Variants in ZNF430 observed in about 807,000 individuals in gnomAD.
The protein encoded by ZNF430 is zinc finger protein 430.
ZNF430 carries 35 observed loss-of-function variants against 56.7 expected under a neutral mutation model. The ratio of observed to expected loss-of-function variants is 0.62; its 90% confidence interval spans 0.47 to 0.82. The LOEUF is 0.82. ZNF430 is among the 40% of genes least tolerant of loss of function. ZNF430 has a pLI of 0.00. For missense variants in ZNF430, 574 were observed against 661.0 expected, an observed-to-expected ratio of 0.87 and a Z score of 1.44; for synonymous variants, 212 against 224.3, an observed-to-expected ratio of 0.94 and a Z score of 0.49.
In ZNF430 at chr19:21,057,899, C is replaced by T. The variant is rs770818535; in HGVS notation, c.1591C>T (p.His531Tyr). ...TAGCCAGTCTTCAACTCTTACTAAA[C>T]ATAAGGTAATTCATACTGGAGAGAA... is the stretch of plus-strand genomic sequence containing the variant. ...AFSQSSTLTK[H>Y]KVIHTGEKPY... Residue 531 changes from histidine to tyrosine, a missense_variant, in exon 5 of 5, where the codon CAT (histidine) becomes TAT (tyrosine). This residue lies in a region of ZNF430 where 213 missense variants were observed against 221.0 expected (regional missense o/e 0.96). Coordinates refer to ENST00000261560, the MANE Select transcript of ZNF430 (RefSeq NM_025189.4). The T allele has an allele frequency of 8.1e-6, 13 of 1,613,916 alleles. No individual in the cohort carries two copies. Among genetic ancestry groups the T allele is most frequent in the Non-Finnish European group, 1.1e-5 (13 of 1,179,948 alleles).
At chr19:21,026,827 C>CTTTTCTTTTTTT in intron 2 of ZNF430, among the ~76,000 whole-genome samples, 1 of 68,718 alleles carries the variant, frequency 1.5e-5, no homozygotes, top group Non-Finnish European at 2.5e-5. Context: ...CTTTTCTTTT[C>CTTTTCTTTTTTT]TTTTTTTTTT....
intron 4 of ZNF430, among the ~76,000 whole-genome samples, chr19:21,056,109 C>A (rs1483839978): frequency 2.6e-5 from 4 of 152,188 alleles, no homozygotes; most frequent in Non-Finnish European, 4.4e-5. Context: ...GCACTTCACA[C>A]ACTTAACTTA....
chr19:21,029,868 G>T (rs765220704), intron 2 of ZNF430, among the ~76,000 whole-genome samples: 24 of 152,236 alleles, frequency 1.6e-4, no homozygotes, highest in Non-Finnish European at 3.2e-4. Flanking sequence ...AGGAGGCTGG[G>T]GCAGGAGAAT....
rs533879341 is a variant in ZNF430, at chr19:21,031,174, G to A, written c.97-2282G>A. ...GCCAGGATTACAAGTGTGAGCCACCGCGCCCGGCCTCTGCCCAGTCTTCTA... is the reference window on the plus strand; with the variant it reads ...GCCAGGATTACAAGTGTGAGCCACCACGCCCGGCCTCTGCCCAGTCTTCTA... On this transcript the variant is annotated intron_variant, in intron 2 of 4. Coordinates refer to ENST00000261560, the MANE Select transcript of ZNF430 (RefSeq NM_025189.4). Among the ~76,000 whole-genome samples the A allele has an allele frequency of 1.2e-3, 183 of 152,224 alleles. 5 individuals are homozygous for A. Among genetic ancestry groups the A allele is most frequent in the Admixed American group, 2.0e-3 (30 of 15,264 alleles).
chr19:21,056,362 G>T (rs113826896), intron 4 of ZNF430, among the ~76,000 whole-genome samples: 7,428 of 152,018 alleles, frequency 0.049, 620 homozygotes, highest in African/African-American at 0.17. Flanking sequence ...GGTGGTGCGT[G>T]CCTGTAATCC....
chr19:21,047,893 A>G (rs1215331525), intron 4 of ZNF430, among the ~76,000 whole-genome samples: 1 of 152,210 alleles, frequency 6.6e-6, no homozygotes, highest in East Asian at 1.9e-4. Context: ...ACTGAGGGAA[A>G]TTCCATACAT....
rs139372164 is a variant in ZNF430, at chr19:21,031,381, A to G, written c.97-2075A>G. 6.9e-3 allele frequency among the ~76,000 whole-genome samples: 1,056 copies of G among 152,240 alleles called. 13 individuals are homozygous for G. The highest frequency in any genetic ancestry group is 0.023 in the African/African-American group (964 of 41,544). On this transcript the variant is annotated intron_variant, in intron 2 of 4. Coordinates refer to ENST00000261560, the MANE Select transcript of ZNF430 (RefSeq NM_025189.4). ...GAGAGCTAAGTGCCACCTTTGCACT[A>G]AAGGGTGGTCTCAGGGCCCGTTCTG...
chr19:21,020,744 C>T lies in ZNF430; in HGVS notation c.-57C>T, dbSNP rs1356182356. 3 of 1,610,212 alleles carry T rather than the reference C, an allele frequency of 1.9e-6. No individual in the cohort carries two copies. The highest frequency in any genetic ancestry group is 2.5e-6 in the Non-Finnish European group (3 of 1,177,124). On this transcript the variant is annotated 5_prime_UTR_variant, in exon 1 of 5. Transcript: ENST00000261560. Reference sequence around the variant, plus strand: ...AGGTCCAGGCTCTGTGGCCCTGTGACCCGCAGGTATTGGGAGATCTACAGC... The same window carrying T: ...AGGTCCAGGCTCTGTGGCCCTGTGATCCGCAGGTATTGGGAGATCTACAGC...
chr19:21,050,972 G>A (rs1316117023), intron 4 of ZNF430, among the ~76,000 whole-genome samples: 1 of 152,090 alleles, frequency 6.6e-6, no homozygotes, highest in Non-Finnish European at 1.5e-5. Context: ...AGGTTGCAGT[G>A]AGCTGAGATC....
chr19:21,059,137 A>C lies in ZNF430; in HGVS notation c.*1116A>C, dbSNP rs988492892. 2.6e-5 allele frequency: 4 copies of C among 152,232 alleles called. No individual in the cohort carries two copies. Among genetic ancestry groups the C allele is most frequent in the African/African-American group, 9.6e-5 (4 of 41,460 alleles). 9.4% of individuals were successfully genotyped at this position (152,232 alleles called of 1,614,324 possible). ...TTTTGCAGATGCAGTAAAAATGAAA[A>C]TATTTAATCCAAAATTAAGTCTATG... On this transcript the variant is annotated 3_prime_UTR_variant, in exon 5 of 5. Coordinates refer to ENST00000261560, the MANE Select transcript of ZNF430 (RefSeq NM_025189.4).
intron 2 of ZNF430, among the ~76,000 whole-genome samples, chr19:21,024,296 A>G (rs1311872304): frequency 6.6e-6 from 1 of 152,210 alleles, no homozygotes; most frequent in Non-Finnish European, 1.5e-5. Context: ...GGTCTTACTG[A>G]TGATAAAGTT....
At chr19:21,044,787 AT>A (rs1174159803) in intron 4 of ZNF430, among the ~76,000 whole-genome samples, 2 of 151,860 alleles carry the variant, frequency 1.3e-5, no homozygotes, top group Non-Finnish European at 1.5e-5. Flanking sequence ...CAGGATTCAA[AT>A]TTTTCCTGGT....
rs1967941354 is a variant in ZNF430 at position 21,033,599 on chromosome 19, T to C, written c.223+17T>C. 2 of 1,597,978 alleles carry C rather than the reference T, an allele frequency of 1.3e-6. No homozygotes were observed. Among genetic ancestry groups the C allele is most frequent in the African/African-American group, 2.7e-5 (2 of 74,132 alleles). On this transcript the variant is annotated intron_variant, in intron 3 of 4. Coordinates refer to ENST00000261560, the MANE Select transcript of ZNF430 (RefSeq NM_025189.4). ...TCTTCTTGGGTGAGAATAACTTTAG[T>C]ACACAATTACTAGTATACCCTAAAG...
intron 1 of ZNF430, among the ~76,000 whole-genome samples, chr19:21,021,269 C>T (rs1388909346): frequency 1.3e-5 from 2 of 152,074 alleles, no homozygotes; most frequent in Non-Finnish European, 2.9e-5. Flanking sequence ...GAGGCCGAGG[C>T]GGGCGCATCA....
intron 4 of ZNF430, among the ~76,000 whole-genome samples, chr19:21,036,956 C>T (rs1247991963): frequency 6.6e-6 from 1 of 151,390 alleles, no homozygotes; most frequent in East Asian, 1.9e-4. Flanking sequence ...TCTTTCCAGC[C>T]CTTGACAAAC....
intron 2 of ZNF430, among the ~76,000 whole-genome samples, chr19:21,023,137 A>G (rs555116741): frequency 1.3e-4 from 20 of 152,230 alleles, no homozygotes; most frequent in Non-Finnish European, 2.9e-4. Flanking sequence ...GACCCCAGTG[A>G]GATGGCGTAA....
chr19:21,051,441 A>G (rs920714960), intron 4 of ZNF430, among the ~76,000 whole-genome samples: 18 of 150,522 alleles, frequency 1.2e-4, no homozygotes, highest in African/African-American at 4.2e-4. Context: ...GGATATGCAA[A>G]TAACTTCATA....
At chr19:21,050,191 A>ATTG (rs1555803177) in intron 4 of ZNF430, among the ~76,000 whole-genome samples, 4 of 151,776 alleles carry the variant, frequency 2.6e-5, no homozygotes, top group Non-Finnish European at 5.9e-5. Flanking sequence ...GCCCCCCTAT[A>ATTG]TTCTTCTAAG....
intron 4 of ZNF430, among the ~76,000 whole-genome samples, chr19:21,055,304 C>G (rs1599509703): frequency 6.6e-6 from 1 of 152,020 alleles, no homozygotes; most frequent in African/African-American, 2.4e-5. Flanking sequence ...TAGCTTTGTC[C>G]TGGCATAGTC....
Sources: gnomAD v4.1 joint callset for allele counts (sites outside exome capture counted in the v4.1 genomes callset) on GRCh38, gnomAD v4.1.1 for gene constraint, gnomAD v4.1.1 regional missense constraint, MANE v1.5 for transcripts, NCBI Gene and HGNC (gene_info 2026-07-23, HGNC 2026-07-21) for gene names.